Variants in STPG2 observed in about 807,000 individuals in gnomAD.
STPG2 encodes sperm-tail PG-rich repeat-containing protein 2.
In STPG2, 56 loss-of-function variants were observed where a neutral mutation model predicts 54.2. The ratio of observed to expected loss-of-function variants is 1.03; its 90% CI spans 0.83 to 1.29. The LOEUF is 1.29. Among genes scored for constraint, STPG2 ranks in the 50% most tolerant of loss-of-function variants. STPG2 has a pLI of 0.00. For synonymous variants in STPG2, 200 were observed against 181.8 expected, an observed-to-expected ratio of 1.10 and a Z score of -0.81; for missense variants, 596 against 544.9, an observed-to-expected ratio of 1.09 and a Z score of -0.93.
At chr4:97,616,057 A>AATATAAATAT (rs71588909) in intron 10 of STPG2, among the ~76,000 whole-genome samples, 1 of 37,394 alleles carries the variant, frequency 2.7e-5, no homozygotes, top group East Asian at 6.6e-4. Context: ...AATACATATA[A>AATATAAATAT]ATATATATAT....
intron 10 of STPG2, among the ~76,000 whole-genome samples, chr4:97,648,915 A>T (rs142123358): frequency 2.3e-3 from 356 of 152,286 alleles, no homozygotes; most frequent in African/African-American, 8.1e-3. Flanking sequence ...TACTTTAATT[A>T]GCTAAATTCT....
At chr4:98,041,239 T>C (rs1351999996) in intron 5 of STPG2, among the ~76,000 whole-genome samples, 1 of 151,804 alleles carries the variant, frequency 6.6e-6, no homozygotes, top group Non-Finnish European at 1.5e-5. Context: ...TGGAGAAGGC[T>C]CTAGGGTTTT....
intron 4 of STPG2, among the ~76,000 whole-genome samples, chr4:97,511,252 G>A (rs1214750206): frequency 1.3e-5 from 2 of 151,592 alleles, no homozygotes; most frequent in Non-Finnish European, 2.9e-5. Context: ...AAAAGTGAAA[G>A]TAAAAGAACA....
intron 8 of STPG2, among the ~76,000 whole-genome samples, chr4:97,922,965 T>C (rs1165444760): frequency 1.3e-5 from 2 of 152,228 alleles, no homozygotes; most frequent in Non-Finnish European, 2.9e-5. Context: ...TTCCCCTCTT[T>C]TCTCTACAAA....
chr4:97,638,767 G>T (rs1721654990), intron 10 of STPG2, among the ~76,000 whole-genome samples: 1 of 148,856 alleles, frequency 6.7e-6, no homozygotes, highest in Non-Finnish European at 1.5e-5. Context: ...CTGGCCATCA[G>T]GGAAATGCAA....
intron 9 of STPG2, among the ~76,000 whole-genome samples, chr4:97,722,801 T>A (rs1287344512): frequency 6.7e-6 from 1 of 148,524 alleles, no homozygotes. Context: ...CTGCCAATTT[T>A]TTTTTTTTTT....
At chr4:97,884,069 G>A (rs1730474102) in intron 8 of STPG2, among the ~76,000 whole-genome samples, 1 of 152,082 alleles carries the variant, frequency 6.6e-6, no homozygotes, top group Non-Finnish European at 1.5e-5. Flanking sequence ...ACGTTCTGGA[G>A]ACTGAATCAG....
At chr4:98,049,988 G>C (rs890447682) in intron 5 of STPG2, among the ~76,000 whole-genome samples, 6 of 151,946 alleles carry the variant, frequency 3.9e-5, no homozygotes, top group Non-Finnish European at 8.8e-5. Flanking sequence ...AGCCAGACTA[G>C]GAAATTCAAG....
At chr4:97,658,610 G>T (rs941121800) in intron 10 of STPG2, among the ~76,000 whole-genome samples, 1 of 152,180 alleles carries the variant, frequency 6.6e-6, no homozygotes, top group African/African-American at 2.4e-5. Context: ...CTCAGCAGTA[G>T]TCACATTTCC....
chr4:97,922,799 A>G (rs1001857104), intron 8 of STPG2, among the ~76,000 whole-genome samples: 2 of 152,140 alleles, frequency 1.3e-5, no homozygotes, highest in African/African-American at 4.8e-5. Context: ...CCTTCCCATA[A>G]TTGCAATTTT....
intron 10 of STPG2, among the ~76,000 whole-genome samples, chr4:97,559,527 T>C (rs1427452904): frequency 6.6e-6 from 1 of 152,200 alleles, no homozygotes; most frequent in Non-Finnish European, 1.5e-5. Context: ...GTCAAACCTT[T>C]CTACAATTCT....
chr4:97,854,517 C>A (rs111973980), intron 8 of STPG2, among the ~76,000 whole-genome samples: 1,865 of 148,100 alleles, frequency 0.013, 33 homozygotes, highest in African/African-American at 0.044. Context: ...AATTATTATA[C>A]CTCATTTATT....
chr4:97,976,233 A>C (rs1734494606), intron 6 of STPG2, among the ~76,000 whole-genome samples: 2 of 152,192 alleles, frequency 1.3e-5, no homozygotes, highest in Admixed American at 1.3e-4. Context: ...CAACATTCTT[A>C]CAGTGGTAAT....
chr4:97,710,664 G>A (rs1724084879), intron 10 of STPG2, among the ~76,000 whole-genome samples: 1 of 151,958 alleles, frequency 6.6e-6, no homozygotes, highest in South Asian at 2.1e-4. Context: ...ACTTATTAAA[G>A]TCATGAGAGA....
chr4:98,034,850 G>T lies in STPG2; in HGVS notation c.613-53532C>A, dbSNP rs560735958. On this transcript the variant is annotated intron_variant, in intron 5 of 10. Coordinates refer to ENST00000295268, the MANE Select transcript of STPG2 (RefSeq NM_174952.3). The stretch of plus-strand genomic sequence containing the variant: ...CTGACAAAAACAAGAAATGGGGAAA[G>T]GATTCCCTATTTAATAAATAATGTT... Among the ~76,000 whole-genome samples the T allele has an allele frequency of 9.2e-4, 140 of 152,244 alleles. 2 individuals are homozygous for T. The highest frequency in any genetic ancestry group is 3.3e-3 in the African/African-American group (139 of 41,550).
intron 4 of STPG2, among the ~76,000 whole-genome samples, chr4:97,509,043 G>A (rs1441202169): frequency 2.0e-5 from 3 of 152,020 alleles, no homozygotes; most frequent in African/African-American, 4.8e-5. Context: ...GTTCTTTAAT[G>A]TGTTACCAAT....
intron 3 of STPG2, among the ~76,000 whole-genome samples, chr4:98,126,712 G>A (rs976926863): frequency 6.6e-5 from 10 of 152,138 alleles, no homozygotes; most frequent in African/African-American, 2.2e-4. Context: ...AGTGTTTAAT[G>A]TCTTGTTATT....
chr4:97,978,523 G>C (rs571275345), intron 6 of STPG2, among the ~76,000 whole-genome samples: 14 of 152,252 alleles, frequency 9.2e-5, no homozygotes, highest in African/African-American at 2.9e-4. Flanking sequence ...TGGAGGGTGG[G>C]AGGAGGGAGA....
At chr4:97,794,056 A>C (rs1276154867) in intron 9 of STPG2, among the ~76,000 whole-genome samples, 1 of 152,124 alleles carries the variant, frequency 6.6e-6, no homozygotes, top group Non-Finnish European at 1.5e-5. Context: ...GCAATATAAA[A>C]TTTGAGCTCT....
Sources: gnomAD v4.1 joint callset for allele counts (sites outside exome capture counted in the v4.1 genomes callset) on GRCh38, gnomAD v4.1.1 for gene constraint, MANE v1.5 for transcripts, NCBI Gene and HGNC (gene_info 2026-07-23, HGNC 2026-07-21) for gene names.